The following DIPK1C variants were observed in gnomAD, a reference collection of about 807,000 sequenced individuals.
DIPK1C encodes familial non-conventional Alzheimer's dementia.
In DIPK1C, 33 loss-of-function variants were observed where a neutral mutation model predicts 28.0. That is an observed-to-expected ratio of 1.18 (90% CI 0.89 to 1.58). DIPK1C has a LOEUF of 1.58. Among genes scored for constraint, DIPK1C ranks in the 40% most tolerant of loss-of-function variants. The pLI, the probability that DIPK1C is intolerant of heterozygous loss-of-function variation, is 0.00. For synonymous variants in DIPK1C, 255 were observed against 248.8 expected (o/e 1.02, Z -0.23); for missense variants, 569 against 568.5 (o/e 1.00, Z -0.01).
chr18:74,451,855 G>A (rs551961030), intron 1 of DIPK1C, among the ~76,000 whole-genome samples: 60 of 152,254 alleles, frequency 3.9e-4, no homozygotes, highest in African/African-American at 1.3e-3. Flanking sequence ...GCATTAAAAC[G>A]CACACAGCTC....
intron 1 of DIPK1C, among the ~76,000 whole-genome samples, chr18:74,449,889 C>T (rs952456428): frequency 2.0e-5 from 3 of 152,054 alleles, no homozygotes; most frequent in Admixed American, 1.3e-4. Flanking sequence ...GGCTTTAACC[C>T]GGGTCACTCT....
chr18:74,439,938 C>T (rs1367301219), intron 3 of DIPK1C, among the ~76,000 whole-genome samples: 4 of 147,412 alleles, frequency 2.7e-5, no homozygotes, highest in African/African-American at 5.0e-5. Flanking sequence ...TATAAGGGAT[C>T]GTATACTTTT....
intron 1 of DIPK1C, among the ~76,000 whole-genome samples, chr18:74,454,188 C>CA (rs575195099): frequency 3.5e-4 from 43 of 122,478 alleles, no homozygotes; most frequent in Non-Finnish European, 7.2e-4. Flanking sequence ...AGAGTCTGAC[C>CA]AGGAAAATCC....
chr18:74,450,143 G>A (rs1180813903), intron 1 of DIPK1C, among the ~76,000 whole-genome samples: 1 of 151,886 alleles, frequency 6.6e-6, no homozygotes, highest in African/African-American at 2.4e-5. Context: ...TTACTTGTTG[G>A]GGTTTGTCCC....
chr18:74,457,037 G>C (rs1273595830), intron 1 of DIPK1C, 25 bp downstream of exon 1: 37 of 1,412,576 alleles, frequency 2.6e-5, no homozygotes, highest in Non-Finnish European at 3.3e-5. Flanking sequence ...CGCGCGGCGC[G>C]GGGCAGAGCG....
intron 1 of DIPK1C, among the ~76,000 whole-genome samples, chr18:74,453,040 C>A (rs1467229796): frequency 6.6e-6 from 1 of 152,230 alleles, no homozygotes; most frequent in Non-Finnish European, 1.5e-5. Flanking sequence ...ATAACATTTG[C>A]AGTGGATTTG....
intron 1 of DIPK1C, among the ~76,000 whole-genome samples, chr18:74,453,961 G>A (rs1443998021): frequency 6.6e-6 from 1 of 152,208 alleles, no homozygotes; most frequent in Admixed American, 6.5e-5. Context: ...AGAGTCAACA[G>A]GCAGCAGCCC....
chr18:74,443,628 A>G (rs996438232), intron 2 of DIPK1C, among the ~76,000 whole-genome samples: 4 of 152,258 alleles, frequency 2.6e-5, no homozygotes, highest in African/African-American at 9.6e-5. Flanking sequence ...GATAAACAAT[A>G]TAGACCTTTT....
Position 74,436,427 on chromosome 18 carries a change from C to A in DIPK1C, c.*74G>T. On this transcript the variant is annotated 3_prime_UTR_variant, in exon 4 of 4. Transcript: ENST00000343998. The stretch of plus-strand genomic sequence containing the variant: ...AGAGAGCACAGGGGAAATGGCTCAT[C>A]TTTAAAACAATGGCAGAAGAAATCC... The A allele has an allele frequency of 2.1e-6, 3 of 1,423,518 alleles. No individual in the cohort carries two copies. In the South Asian group the frequency reaches 4.1e-5, roughly 20 times the overall value. The allele number at this position is 1,423,518 out of a possible 1,614,324, so 88.2% of individuals were successfully genotyped here. A position where few individuals can be genotyped will look rare whatever the true frequency, so the allele number is the denominator to read the frequency against.
chr18:74,450,787 C>T (rs1408754682), intron 1 of DIPK1C, among the ~76,000 whole-genome samples: 1 of 152,254 alleles, frequency 6.6e-6, no homozygotes, highest in Non-Finnish European at 1.5e-5. Context: ...TTCCGGAGTT[C>T]ACGGAGCAGA....
In DIPK1C at chr18:74,447,241, C is replaced by T. The variant is rs774742081; in HGVS notation, c.241G>A (p.Glu81Lys). The T allele has an allele frequency of 4.3e-5, 67 of 1,547,346 alleles. No individual in the cohort carries two copies. The highest frequency in any genetic ancestry group is 3.1e-5 in the Non-Finnish European group (35 of 1,145,126). The change falls in exon 2 of 4, where the codon GAG (glutamate) becomes AAG (lysine). Residue 81 changes from glutamate to lysine, a missense_variant. Coordinates refer to ENST00000343998, the MANE Select transcript of DIPK1C (RefSeq NM_001044369.3). The surrounding 1 kb of genome is among the most constrained non-coding windows in gnomAD (Gnocchi z 4.1). ...AGCTCTCCCGCCACACACAGGTCCT[C>T]GCAGAGGTCCCCGGCCAGCGTGCCG... ...QGGTLAGDLC[E>K]DLCVAGELLF... is the part of the protein sequence containing the mutation.
chr18:74,446,462 T>C, intron 2 of DIPK1C, 144 bp downstream of exon 2: 1 of 672,714 alleles, frequency 1.5e-6, no homozygotes, highest in Non-Finnish European at 2.2e-6. Flanking sequence ...GGAAGTGTTC[T>C]GGTAGGTGGG....
chr18:74,449,700 G>A (rs1315394109), intron 1 of DIPK1C, among the ~76,000 whole-genome samples: 3 of 152,170 alleles, frequency 2.0e-5, no homozygotes, highest in Non-Finnish European at 4.4e-5. Context: ...CCTCGCCCTG[G>A]AGCTAGTGAC....
intron 1 of DIPK1C, among the ~76,000 whole-genome samples, chr18:74,455,338 T>C (rs561772079): frequency 6.6e-6 from 1 of 152,280 alleles, no homozygotes; most frequent in Non-Finnish European, 1.5e-5. Context: ...AATTTGTAAA[T>C]AGGTATTCCC....
intron 2 of DIPK1C, among the ~76,000 whole-genome samples, chr18:74,442,560 ACCT>A (rs1306858176): frequency 1.3e-5 from 2 of 151,972 alleles, no homozygotes; most frequent in Non-Finnish European, 2.9e-5. Context: ...CGATCTCCTG[ACCT>A]CCTGATCTGC....
chr18:74,441,826 A>G, intron 3 of DIPK1C, 126 bp downstream of exon 3: 1 of 1,066,786 alleles, frequency 9.4e-7, no homozygotes, highest in Non-Finnish European at 1.4e-6. Flanking sequence ...TTTATTGACC[A>G]CATCGATCCA....
rs1018337295 is a variant in DIPK1C, at chr18:74,447,225, G to A, written c.257C>T (p.Ala86Val). ...GCAGCGTTGGAACAGCAGCTCTCCCGCCACACACAGGTCCTCGCAGAGGTC... is the reference window on the plus strand; with the variant it reads ...GCAGCGTTGGAACAGCAGCTCTCCCACCACACACAGGTCCTCGCAGAGGTC... ...AGDLCEDLCVAGELLFQRCLH... is the reference protein window; with the variant it reads ...AGDLCEDLCVVGELLFQRCLH... The change falls in exon 2 of 4, where the codon GCG becomes GTG. Residue 86 changes from alanine to valine, a missense_variant. Transcript: ENST00000343998. The surrounding 1 kb of genome is among the most constrained non-coding windows in gnomAD (Gnocchi z 4.1). 6 of 1,549,564 alleles carry A rather than the reference G, an allele frequency of 3.9e-6. No homozygotes were observed. The highest frequency in any genetic ancestry group is 3.6e-5 in the South Asian group (3 of 83,996).
upstream of DIPK1C, among the ~76,000 whole-genome samples, chr18:74,462,680 A>C (rs546306542): frequency 2.6e-5 from 4 of 152,238 alleles, no homozygotes; most frequent in South Asian, 2.1e-4. Context: ...AAAAAAAAAA[A>C]AACTGCCAAC....
intron 2 of DIPK1C, 99 bp downstream of exon 2, chr18:74,446,507 C>T (rs1378635646): frequency 6.6e-6 from 8 of 1,219,578 alleles, no homozygotes; most frequent in Middle Eastern, 2.0e-4. Context: ...CAGTAGTTTG[C>T]TAACTCAGGC....
Sources: allele counts gnomAD v4.1 joint callset (sites outside exome capture counted in the v4.1 genomes callset), GRCh38; gene constraint gnomAD v4.1.1; non-coding constraint Gnocchi (gnomAD v3.1); transcripts MANE v1.5; gene names NCBI Gene and HGNC (gene_info 2026-07-23, HGNC 2026-07-21).